DPY19L2: variants seen among roughly 807,000 people sequenced by gnomAD.
DPY19L2 encodes dpy-19 like 2.
Under a neutral mutation model 97.9 loss-of-function variants are expected in DPY19L2, and 34 were observed. That is an observed-to-expected ratio of 0.35 (90% CI 0.26 to 0.46). The LOEUF is 0.46. Among genes scored for constraint, DPY19L2 ranks in the 20% least tolerant of loss-of-function variants. The pLI, the probability that DPY19L2 is intolerant of heterozygous loss-of-function variation, is 1.00. For missense variants in DPY19L2, 623 were observed against 911.4 expected (o/e 0.68, Z 4.07); for synonymous variants, 230 against 307.9 (o/e 0.75, Z 2.65).
At chr12:63,611,475 G>A (rs1275120823) in intron 11 of DPY19L2, among the ~76,000 whole-genome samples, 1 of 151,746 alleles carries the variant, frequency 6.6e-6, no homozygotes, top group African/African-American at 2.4e-5. Context: ...AATTGAAACC[G>A]ACACAGATGA....
chr12:63,589,317 G>A (rs1435864327), intron 16 of DPY19L2, among the ~76,000 whole-genome samples: 1 of 87,930 alleles, frequency 1.1e-5, no homozygotes, highest in Non-Finnish European at 2.2e-5. Context: ...ATCAGAACCA[G>A]AAAGAAAGTT....
intron 6 of DPY19L2, among the ~76,000 whole-genome samples, chr12:63,628,947 C>G (rs902127390): frequency 6.6e-6 from 1 of 151,874 alleles, no homozygotes. Context: ...CTGATACCCA[C>G]GCAAACAGGG....
intron 18 of DPY19L2, among the ~76,000 whole-genome samples, chr12:63,581,562 C>T (rs572285896): frequency 2.2e-5 from 3 of 135,312 alleles, no homozygotes; most frequent in Non-Finnish European, 3.0e-5. Context: ...CAGCTCACTT[C>T]GACCTCCACT....
chr12:63,659,844 C>T (rs1274635266), intron 4 of DPY19L2, among the ~76,000 whole-genome samples: 1 of 152,060 alleles, frequency 6.6e-6, no homozygotes, highest in Non-Finnish European at 1.5e-5. Context: ...AAAATTGGCA[C>T]ATTTTATTAC....
intron 9 of DPY19L2, among the ~76,000 whole-genome samples, chr12:63,619,563 G>C (rs1221269895): frequency 6.6e-6 from 1 of 151,538 alleles, no homozygotes; most frequent in Non-Finnish European, 1.5e-5. Flanking sequence ...CCAGGCTGGA[G>C]TGCAGTAGTG....
At chr12:63,601,520 G>T (rs536513182) in intron 12 of DPY19L2, among the ~76,000 whole-genome samples, 351 of 152,182 alleles carry the variant, frequency 2.3e-3, no homozygotes, top group Non-Finnish European at 3.8e-3. Flanking sequence ...TCGAAAAGGA[G>T]GCAACGAATC....
intron 6 of DPY19L2, among the ~76,000 whole-genome samples, chr12:63,633,722 C>A (rs1217544660): frequency 6.6e-6 from 1 of 151,946 alleles, no homozygotes; most frequent in African/African-American, 2.4e-5. Flanking sequence ...GGGTATATAC[C>A]CAAAGGATTA....
chr12:63,643,138 T>C (rs538789422), intron 6 of DPY19L2, among the ~76,000 whole-genome samples: 1 of 152,210 alleles, frequency 6.6e-6, no homozygotes, highest in Non-Finnish European at 1.5e-5. Flanking sequence ...TTTCTTATTA[T>C]TGCAAATACT....
intron 19 of DPY19L2, among the ~76,000 whole-genome samples, chr12:63,576,948 C>T (rs552726758): frequency 2.0e-5 from 3 of 151,752 alleles, no homozygotes; most frequent in East Asian, 1.9e-4. Flanking sequence ...CTTATTTATT[C>T]GAAAACACAA....
At chr12:63,637,535 CACCGATT>C (rs929511066) in intron 6 of DPY19L2, among the ~76,000 whole-genome samples, 11 of 152,018 alleles carry the variant, frequency 7.2e-5, no homozygotes, top group Non-Finnish European at 1.5e-4. Context: ...GGGATATCAC[CACCGATT>C]ACTCAGAAAT....
At chr12:63,583,943 C>G in intron 16 of DPY19L2, 107 bp from the exon 17 acceptor site, 1 of 807,096 alleles carries the variant, frequency 1.2e-6, no homozygotes, top group Non-Finnish European at 1.9e-6. Flanking sequence ...ATGTGACTAT[C>G]TCTAAACTAC....
intron 9 of DPY19L2, among the ~76,000 whole-genome samples, chr12:63,619,168 T>C (rs572669078): frequency 9.9e-5 from 15 of 151,562 alleles, no homozygotes; most frequent in Non-Finnish European, 1.8e-4. Context: ...GGGCCAGGCA[T>C]GGTGGCTCAC....
At chr12:63,632,674 A>T (rs1890915386) in intron 6 of DPY19L2, among the ~76,000 whole-genome samples, 1 of 152,186 alleles carries the variant, frequency 6.6e-6, no homozygotes, top group Non-Finnish European at 1.5e-5. Flanking sequence ...AATCCCCATC[A>T]AGCTACCAAT....
chr12:63,646,336 G>C (rs1168056918), intron 5 of DPY19L2, among the ~76,000 whole-genome samples: 1 of 152,054 alleles, frequency 6.6e-6, no homozygotes, highest in African/African-American at 2.4e-5. Context: ...TCATTGCAAA[G>C]TCTTTCATTT....
At chr12:63,667,891 T>C (rs563612874) in intron 1 of DPY19L2, among the ~76,000 whole-genome samples, 166 bp downstream of exon 1, 3 of 152,166 alleles carry the variant, frequency 2.0e-5, no homozygotes, top group East Asian at 1.9e-4. Context: ...TCTCTCTCTC[T>C]CCCCTGGTTC....
intron 16 of DPY19L2, 28 bp downstream of exon 16, chr12:63,594,059 G>C (rs752011695): frequency 7.0e-7 from 1 of 1,424,698 alleles, no homozygotes; most frequent in South Asian, 1.3e-5. Context: ...AATACTGTAT[G>C]TTTTAAAAAC....
intron 5 of DPY19L2, among the ~76,000 whole-genome samples, chr12:63,645,326 CTT>C (rs768729831): frequency 1.3e-5 from 2 of 152,126 alleles, no homozygotes; most frequent in Non-Finnish European, 2.9e-5. Context: ...AGTAACTTCT[CTT>C]GTTTTATGTA....
At chr12:63,641,638 T>C (rs1444557482) in intron 6 of DPY19L2, among the ~76,000 whole-genome samples, 1 of 152,126 alleles carries the variant, frequency 6.6e-6, no homozygotes, top group East Asian at 1.9e-4. Context: ...TGTAGCTGTA[T>C]AGTTCATTCA....
rs772854519 is a variant in DPY19L2, at chr12:63,661,371, T to A, written c.561A>T (p.Ala187=). The change falls in exon 4 of 22, where the codon GCA becomes GCT. Residue 187 remains alanine, a synonymous_variant. Coordinates refer to ENST00000324472, the MANE Select transcript of DPY19L2 (RefSeq NM_173812.5). ...RLTEYPLIIN[A]IKRFHLYPEV... is the part of the protein sequence containing the mutation. ...CTGGATAAAGATGGAAGCGTTTTATTGCATTAATTATAAGAGGATATTCAG... is the reference window on the plus strand; with the variant it reads ...CTGGATAAAGATGGAAGCGTTTTATAGCATTAATTATAAGAGGATATTCAG... 4 of 1,587,666 alleles carry A rather than the reference T, an allele frequency of 2.5e-6. No homozygotes were observed. The highest frequency in any genetic ancestry group is 3.4e-6 in the Non-Finnish European group (4 of 1,172,880).
Sources: allele counts gnomAD v4.1 joint callset (sites outside exome capture counted in the v4.1 genomes callset), GRCh38; gene constraint gnomAD v4.1.1; transcripts MANE v1.5; gene names NCBI Gene and HGNC (gene_info 2026-07-23, HGNC 2026-07-21).